The following CASTOR2 variants were observed in gnomAD, a reference collection of about 807,000 sequenced individuals.
CASTOR2 encodes cytosolic arginine sensor for mTORC1 subunit 2.
In CASTOR2, 8 loss-of-function variants were observed where a neutral mutation model predicts 31.2. The ratio of observed to expected loss-of-function variants is 0.26; its 90% confidence interval spans 0.15 to 0.46. The LOEUF (loss-of-function observed/expected upper bound fraction) is 0.46, where lower values mean the gene tolerates loss of function less well. Ranked by LOEUF, CASTOR2 falls within the 20% of genes least tolerant of loss-of-function variation. The pLI, the probability that CASTOR2 is intolerant of heterozygous loss-of-function variation, is 0.99. For synonymous variants in CASTOR2, 162 were observed against 158.7 expected (o/e 1.02, Z -0.16); for missense variants, 216 against 382.1 (o/e 0.57, Z 3.62).
rs1159460301 is a variant in CASTOR2 at position 74,998,600 on chromosome 7, C to CA, written c.114-9378dup. Among the ~76,000 whole-genome samples the CA allele has an allele frequency of 9.9e-3, 1,189 of 120,072 alleles. 33 individuals carry two copies. The highest frequency in any genetic ancestry group is 0.035 in the African/African-American group (1,092 of 31,206). The allele number at this position is 120,072 out of a possible 152,430, so 78.8% of individuals were successfully genotyped here. On this transcript the variant is annotated intron_variant, in intron 1 of 8. Coordinates refer to ENST00000616305, the MANE Select transcript of CASTOR2 (RefSeq NM_001145064.3). ...CCTGGGCGACAGTGAGACTCCATCT[C>CA]AAAAAAAAAAAAAAAAGGCAGACAG...
chr7:75,004,904 C>T (rs1428136561), intron 1 of CASTOR2, among the ~76,000 whole-genome samples: 1 of 151,770 alleles, frequency 6.6e-6, no homozygotes, highest in Admixed American at 6.6e-5. Context: ...TGAATCTAGT[C>T]ACCCAGGCTG....
At chr7:74,986,155 C>T (rs1255063148) in intron 1 of CASTOR2, among the ~76,000 whole-genome samples, 7 of 149,800 alleles carry the variant, frequency 4.7e-5, no homozygotes, top group Non-Finnish European at 8.9e-5. Context: ...GTCTTGAACT[C>T]CTGACCTCAA....
chr7:74,992,045 C>T (rs1278698018), intron 1 of CASTOR2, among the ~76,000 whole-genome samples: 1 of 151,940 alleles, frequency 6.6e-6, no homozygotes, highest in Non-Finnish European at 1.5e-5. Flanking sequence ...TTGAGGTCCC[C>T]AAGGGGTCAA....
intron 1 of CASTOR2, among the ~76,000 whole-genome samples, chr7:74,965,882 A>ACACACACT (rs201553918): frequency 5.2e-5 from 1 of 19,080 alleles, no homozygotes; most frequent in Non-Finnish European, 8.6e-5. Flanking sequence ...ACACACACAC[A>ACACACACT]CTCTCTCTCT....
chr7:74,971,147 C>T (rs1254333026), intron 1 of CASTOR2, among the ~76,000 whole-genome samples: 26 of 144,716 alleles, frequency 1.8e-4, no homozygotes, highest in Admixed American at 4.9e-4. Context: ...AGGCACCCAC[C>T]ACCATGCCCG....
chr7:75,019,359 G>A (rs1804940142), intron 5 of CASTOR2, among the ~76,000 whole-genome samples: 1 of 151,822 alleles, frequency 6.6e-6, no homozygotes. Context: ...GGGGACACAT[G>A]GACCCTCCCC....
intron 1 of CASTOR2, among the ~76,000 whole-genome samples, chr7:74,983,723 C>T (rs1230309850): frequency 6.6e-6 from 1 of 150,562 alleles, no homozygotes; most frequent in Non-Finnish European, 1.5e-5. Flanking sequence ...CAACAAGACA[C>T]CTTATCAAGC....
At chr7:75,007,675 C>T (rs1263345620) in intron 1 of CASTOR2, among the ~76,000 whole-genome samples, 57 of 152,244 alleles carry the variant, frequency 3.7e-4, no homozygotes, top group Middle Eastern at 3.4e-3. Context: ...AGCCACCCTT[C>T]GGCCACTTCT....
intron 2 of CASTOR2, among the ~76,000 whole-genome samples, chr7:75,008,625 G>A (rs2131945518): frequency 6.6e-6 from 1 of 152,298 alleles, no homozygotes; most frequent in African/African-American, 2.4e-5. Context: ...GAGCCCAGGA[G>A]TTGGAGGCTG....
intron 5 of CASTOR2, 87 bp from the exon 6 acceptor site, chr7:75,019,952 C>A: frequency 7.7e-7 from 1 of 1,299,750 alleles, no homozygotes; most frequent in Non-Finnish European, 1.1e-6. Flanking sequence ...GCATCAAAGC[C>A]TGGGCAGGGC....
At chr7:75,001,979 T>C (rs1804507580) in intron 1 of CASTOR2, among the ~76,000 whole-genome samples, 3 of 152,280 alleles carry the variant, frequency 2.0e-5, no homozygotes, top group Middle Eastern at 3.4e-3. Flanking sequence ...AGTCATCCAA[T>C]AGACATAGTG....
Position 75,024,500 on chromosome 7 carries a change from A to G in CASTOR2, c.890A>G (p.Tyr297Cys), listed in dbSNP as rs1805076610. ...TTGGCTGCTGCAGACATCCCAGCCT[A>G]CTACATCAGTACTTTCAAGTTTGAT... The part of the protein sequence containing the change: ...EPLAAADIPA[Y>C]YISTFKFDHA... Residue 297 changes from tyrosine (Y) to cysteine (C), a missense_variant, in exon 8 of 9, where the codon TAC becomes TGC. By Grantham distance (194) the Tyr-to-Cys change is radical. Around this residue, in one of 5 missense-constraint regions of CASTOR2, gnomAD observed 22 missense variants for 66.4 expected, o/e 0.33. Transcript: ENST00000616305. The G allele has an allele frequency of 6.4e-7, 1 of 1,551,556 alleles. No individual in the cohort carries two copies. The highest frequency in any genetic ancestry group is 8.7e-7 in the Non-Finnish European group (1 of 1,146,862).
chr7:74,995,173 G>A (rs1449935520), intron 1 of CASTOR2, among the ~76,000 whole-genome samples: 1 of 152,072 alleles, frequency 6.6e-6, no homozygotes, highest in Admixed American at 6.6e-5. Flanking sequence ...GTAAGGAGGT[G>A]GCCTCAGGAG....
intron 1 of CASTOR2, among the ~76,000 whole-genome samples, chr7:75,007,346 T>C (rs1804630545): frequency 6.6e-6 from 1 of 151,946 alleles, no homozygotes; most frequent in Non-Finnish European, 1.5e-5. Context: ...TTTTGGAGAA[T>C]AGATGGTTTT....
rs587674425 is a variant in CASTOR2, at chr7:74,981,650, C to G, written c.113+16552C>G. On this transcript the variant is annotated intron_variant, in intron 1 of 8. Transcript: ENST00000616305. ...CCATGTTCCCCAGGCTGGTCTTGAA[C>G]TCCTGGGCTCAGACAATTCTCCTAC... Among the ~76,000 whole-genome samples, 26 of 151,082 alleles carry G rather than the reference C, an allele frequency of 1.7e-4. No individual in the cohort carries two copies. The South Asian group carries it at 5.5e-3, about 32-fold the overall frequency.
intron 1 of CASTOR2, among the ~76,000 whole-genome samples, chr7:74,985,875 G>C (rs1804051093): frequency 6.6e-6 from 1 of 151,998 alleles, no homozygotes; most frequent in Non-Finnish European, 1.5e-5. Context: ...GCCAATTTCA[G>C]CTTTCCATTT....
At chr7:75,010,640 C>T (rs1403944878) in intron 2 of CASTOR2, among the ~76,000 whole-genome samples, 6 of 152,136 alleles carry the variant, frequency 3.9e-5, no homozygotes, top group Non-Finnish European at 7.4e-5. Context: ...CTTTCCCAGC[C>T]GCAGGTGCAG....
At chr7:75,016,703 C>T (rs2131953145) in intron 2 of CASTOR2, among the ~76,000 whole-genome samples, 1 of 152,326 alleles carries the variant, frequency 6.6e-6, no homozygotes, top group East Asian at 1.9e-4. Flanking sequence ...AACTAAAGGA[C>T]ATTACCCACT....
chr7:74,986,172 A>C (rs1804061014), intron 1 of CASTOR2, among the ~76,000 whole-genome samples: 1 of 151,404 alleles, frequency 6.6e-6, no homozygotes, highest in African/African-American at 2.4e-5. Flanking sequence ...TCAAGTGATC[A>C]GCCCTCCTTG....
Sources: gnomAD v4.1 joint callset for allele counts (sites outside exome capture counted in the v4.1 genomes callset) on GRCh38, gnomAD v4.1.1 for gene constraint, gnomAD v4.1.1 regional missense constraint, MANE v1.5 for transcripts, NCBI Gene and HGNC (gene_info 2026-07-23, HGNC 2026-07-21) for gene names.